Variants in TACR1 observed in about 807,000 individuals in gnomAD.
TACR1 encodes the protein tachykinin receptor 1.
TACR1 carries 25 observed loss-of-function variants against 35.8 expected under a neutral mutation model. The observed-to-expected ratio is 0.70, with a 90% CI of 0.51 to 0.98. The LOEUF is 0.98. TACR1 is among the 50% of genes least tolerant of loss of function. TACR1 has a pLI of 0.00. For missense variants in TACR1, 478 were observed against 522.9 expected (o/e 0.91, Z 0.84); for synonymous variants, 195 against 206.7 (o/e 0.94, Z 0.48).
chr2:75,129,672 A>T (rs1293282413), intron 1 of TACR1, among the ~76,000 whole-genome samples: 1 of 152,172 alleles, frequency 6.6e-6, no homozygotes, highest in African/African-American at 2.4e-5. Flanking sequence ...AAAATGATGC[A>T]TTTTTTGGAG....
intron 1 of TACR1, among the ~76,000 whole-genome samples, chr2:75,127,025 T>C (rs567296802): frequency 2.0e-5 from 3 of 152,146 alleles, no homozygotes; most frequent in Non-Finnish European, 2.9e-5. Flanking sequence ...AAAGGGAACA[T>C]TTATATACTA....
At chr2:75,085,831 T>A (rs989423316) in intron 2 of TACR1, among the ~76,000 whole-genome samples, 4 of 152,166 alleles carry the variant, frequency 2.6e-5, no homozygotes, top group African/African-American at 9.7e-5. Context: ...TTAGAACATT[T>A]TCAGATTTCC....
chr2:75,157,543 G>A (rs1239722965), intron 1 of TACR1, among the ~76,000 whole-genome samples: 2 of 152,218 alleles, frequency 1.3e-5, no homozygotes, highest in Non-Finnish European at 2.9e-5. Flanking sequence ...CAAAGAAGGG[G>A]CAGGTAAGTG....
At chr2:75,056,251 A>T (rs375592697) in intron 2 of TACR1, among the ~76,000 whole-genome samples, 1 of 152,220 alleles carries the variant, frequency 6.6e-6, no homozygotes, top group East Asian at 1.9e-4. Context: ...TGTTTCAGGC[A>T]GAGCTAATTC....
At chr2:75,152,232 C>T (rs1004922804) in intron 1 of TACR1, among the ~76,000 whole-genome samples, 3 of 152,222 alleles carry the variant, frequency 2.0e-5, no homozygotes, top group Admixed American at 6.5e-5. Context: ...ATCTGTAGGG[C>T]CCAGGGGCTG....
At chr2:75,137,934 T>A (rs1489009675) in intron 1 of TACR1, among the ~76,000 whole-genome samples, 2 of 152,086 alleles carry the variant, frequency 1.3e-5, no homozygotes, top group African/African-American at 4.8e-5. Context: ...TCCAGAGTAT[T>A]AAGCATATAG....
rs200986020 is a variant in TACR1, at chr2:75,198,697, A to T, written c.238T>A (p.Ser80Thr). 9.9e-6 allele frequency: 16 copies of T among 1,614,096 alleles called. No individual in the cohort carries two copies. The highest frequency in any genetic ancestry group is 1.3e-5 in the Non-Finnish European group (15 of 1,180,038). Residue 80 changes from serine to threonine, a missense_variant, in exon 1 of 5, where the codon TCC (serine) becomes ACC (threonine). By Grantham distance (58) the Ser-to-Thr change is moderately conservative (BLOSUM62 1). Transcript: ENST00000305249. Reference protein sequence around the residue: ...FLVNLAFAEASMAAFNTVVNF... With the variant: ...FLVNLAFAEATMAAFNTVVNF... ...ACCACTGTATTGAATGCAGCCATGG[A>T]GGCCTCCGCGAAGGCCAGGTTCACC...
chr2:75,180,095 A>G (rs542107752), intron 1 of TACR1, among the ~76,000 whole-genome samples: 1 of 152,276 alleles, frequency 6.6e-6, no homozygotes, highest in Admixed American at 6.5e-5. Context: ...AGATCATCAC[A>G]TGGCAGGTTC....
Position 75,146,328 on chromosome 2 carries a change from G to T in TACR1, c.390-25560C>A, listed in dbSNP as rs990690814. Among the ~76,000 whole-genome samples the T allele has an allele frequency of 2.0e-5, 3 of 152,030 alleles. No individual in the cohort carries two copies. The East Asian group carries it at 5.8e-4, about 29-fold the overall frequency. On this transcript the variant is annotated intron_variant, in intron 1 of 4. Transcript: ENST00000305249. ...AGTATACACAGTGTTTCACCATGTT[G>T]ACCAGGCTGGTCTCGAACTCCTGAC...
chr2:75,099,664 A>T (rs1558552838), intron 2 of TACR1, among the ~76,000 whole-genome samples: 1 of 151,964 alleles, frequency 6.6e-6, no homozygotes, highest in Admixed American at 6.6e-5. Context: ...GTCACTGTAG[A>T]TTCTCAGGCC....
chr2:75,141,223 A>G (rs894748643), intron 1 of TACR1, among the ~76,000 whole-genome samples: 2 of 152,152 alleles, frequency 1.3e-5, no homozygotes, highest in Non-Finnish European at 2.9e-5. Context: ...CAGTTTGCAA[A>G]TCCACATTTA....
chr2:75,154,401 A>ATTATC, intron 1 of TACR1: 1 of 76,500 alleles, frequency 1.3e-5, no homozygotes, highest in South Asian at 4.3e-4. Context: ...ATCAGCCAAG[A>ATTATC]GCGCGCACGC....
chr2:75,094,859 A>ATATATATATATATATATTTTTTT, intron 2 of TACR1, among the ~76,000 whole-genome samples: 2 of 113,100 alleles, frequency 1.8e-5, no homozygotes, highest in African/African-American at 9.6e-5. Context: ...ATATATATAT[A>ATATATATATATATATATTTTTTT]TTTTTTTTTT....
At chr2:75,185,333 T>A (rs13035180) in intron 1 of TACR1, among the ~76,000 whole-genome samples, 28,243 of 151,948 alleles carry the variant, frequency 0.19, 3,232 homozygotes, top group Admixed American at 0.26. Context: ...GGTCTTTTTA[T>A]GCATAATAAC....
At chr2:75,181,878 C>G (rs1190667861) in intron 1 of TACR1, among the ~76,000 whole-genome samples, 1 of 152,226 alleles carries the variant, frequency 6.6e-6, no homozygotes, top group Non-Finnish European at 1.5e-5. Flanking sequence ...CCTGACCTCA[C>G]TCCTCTTAAT....
rs186460063 is a variant in TACR1, at chr2:75,078,551, C to A, written c.585-24796G>T. The stretch of plus-strand genomic sequence containing the variant: ...ATTTTTTTCTTTGTATTAAGATACT[C>A]TTCTTCTAGCCAATATATCCAATGG... On this transcript the variant is annotated intron_variant, in intron 2 of 4. Transcript: ENST00000305249. Among the ~76,000 whole-genome samples, 387 of 152,240 alleles carry A rather than the reference C, an allele frequency of 2.5e-3. 3 individuals are homozygous for A. Among genetic ancestry groups the A allele is most frequent in the African/African-American group, 9.1e-3 (376 of 41,546 alleles).
rs1268134955 is a variant in TACR1, at chr2:75,114,550, C to G, written c.584+6024G>C. Among the ~76,000 whole-genome samples, 4 of 152,186 alleles carry G rather than the reference C, an allele frequency of 2.6e-5. No individual in the cohort carries two copies. The East Asian group carries it at 7.7e-4, about 29-fold the overall frequency. ...AACAACTACAAGAATGGGCTTAGCT[C>G]TCATTAACTTTGAAAGCTACTGCAT... On this transcript the variant is annotated intron_variant, in intron 2 of 4. Transcript: ENST00000305249.
At chr2:75,064,531 A>G (rs1672729667) in intron 2 of TACR1, among the ~76,000 whole-genome samples, 2 of 152,210 alleles carry the variant, frequency 1.3e-5, no homozygotes, top group South Asian at 4.1e-4. Context: ...GTAACAAGAA[A>G]AAGGGAAAAA....
At chr2:75,186,565 TAAAC>T (rs1048288839) in intron 1 of TACR1, among the ~76,000 whole-genome samples, 2 of 151,924 alleles carry the variant, frequency 1.3e-5, no homozygotes, top group African/African-American at 4.8e-5. Flanking sequence ...TTAACTATAT[TAAAC>T]TAAATTTAAA....
Sources: allele counts gnomAD v4.1 joint callset (sites outside exome capture counted in the v4.1 genomes callset), GRCh38; gene constraint gnomAD v4.1.1; transcripts MANE v1.5; gene names NCBI Gene and HGNC (gene_info 2026-07-23, HGNC 2026-07-21).